TMPRSS15: variants seen among roughly 807,000 people sequenced by gnomAD.
TMPRSS15 encodes the protein enteropeptidase.
A neutral mutation model predicts 125.3 loss-of-function variants in TMPRSS15; 128 were observed. The ratio of observed to expected loss-of-function variants is 1.02; its 90% CI spans 0.89 to 1.18. The LOEUF (loss-of-function observed/expected upper bound fraction) is 1.18. TMPRSS15 is among the 50% of genes most tolerant of loss of function. TMPRSS15 has a pLI of 0.00. For missense variants in TMPRSS15, 1,283 were observed against 1,212.7 expected (o/e 1.06, Z -0.86); for synonymous variants, 446 against 423.2 (o/e 1.05, Z -0.66).
Position 18,312,979 on chromosome 21 carries a change from T to C in TMPRSS15, c.2131A>G (p.Ile711Val), listed in dbSNP as rs754632037. ...AGCAGTTGACAAACATCATTTGAAA[T>C]CTGGGTGGTCCAGTTCTCAGCACAA... The part of the protein sequence containing the change: ...TACAENWTTQ[I>V]SNDVCQLLGL... The change falls in exon 18 of 25, where the codon ATT (isoleucine) becomes GTT (valine). Residue 711 changes from isoleucine (I) to valine (V), a missense_variant. By Grantham distance (29) the Ile-to-Val change is conservative. Transcript: ENST00000284885. 5.0e-6 allele frequency: 8 copies of C among 1,613,976 alleles called. No homozygotes were observed. The South Asian group carries it at 8.8e-5, about 18-fold the overall frequency.
At position 18,372,221 on chromosome 21, in the gene TMPRSS15, A is replaced by G. The variant is rs368651677; in HGVS notation, c.636T>C (p.Asp212=). 6.8e-5 allele frequency: 110 copies of G among 1,612,394 alleles called. No individual in the cohort carries two copies. The highest frequency in any genetic ancestry group is 2.8e-4 in the Admixed American group (17 of 59,902). Residue 212 remains aspartate, a synonymous_variant, in exon 6 of 25, where the codon GAT becomes GAC. Transcript: ENST00000284885. ...ACATTTTATTGTCTTCGTCAGAACC[A>G]TCTGGACAGTTTACTTCTCCATCAC... ...LFCDGEVNCP[D]GSDEDNKMCA...
At chr21:18,438,921 T>A (rs1456488521) in intron 1 of TMPRSS15, among the ~76,000 whole-genome samples, 2 of 152,232 alleles carry the variant, frequency 1.3e-5, no homozygotes, top group Admixed American at 6.5e-5. Context: ...CATTCTTTTG[T>A]TTTCCATAAA....
chr21:18,348,381 T>G (rs1489530484), intron 10 of TMPRSS15, among the ~76,000 whole-genome samples: 1 of 152,160 alleles, frequency 6.6e-6, no homozygotes, highest in East Asian at 1.9e-4. Flanking sequence ...TGTGCTGATC[T>G]GATATAGAGA....
intron 1 of TMPRSS15, among the ~76,000 whole-genome samples, chr21:18,440,372 C>CAAAAAAAAA (rs539968323): frequency 0.034 from 1,605 of 47,112 alleles, 214 homozygotes; most frequent in African/African-American, 0.1. Context: ...AACTCCGTCT[C>CAAAAAAAAA]AAAAAAAAAA....
At position 18,463,478 on chromosome 21, in the gene TMPRSS15, C is replaced by T. The variant is rs182156713; in HGVS notation, c.10+22321G>A. The stretch of plus-strand genomic sequence containing the variant: ...CAAGTTCTCAGAGACCTACAAGAGA[C>T]CTAGACTCCCACACAATAATAGTGG... On this transcript the variant is annotated intron_variant, in intron 1 of 7. Transcript: ENST00000422787. Among the ~76,000 whole-genome samples, 82 of 152,050 alleles carry T rather than the reference C, an allele frequency of 5.4e-4. No homozygotes were observed. In the Middle Eastern group the frequency reaches 0.01, roughly 19 times the overall value.
chr21:18,319,724 C>T lies in TMPRSS15; in HGVS notation c.1922-4468G>A, dbSNP rs1029475119. On this transcript the variant is annotated intron_variant, in intron 16 of 24. Coordinates refer to ENST00000284885, the MANE Select transcript of TMPRSS15 (RefSeq NM_002772.3). ...GATTACAGGCGTGAGCCACCGCGCC[C>T]GGCCTTTCACTATTTTTCAAGTTAA... Among the ~76,000 whole-genome samples the T allele has an allele frequency of 5.3e-5, 8 of 152,244 alleles. No homozygotes were observed. The East Asian group carries it at 1.4e-3, about 26-fold the overall frequency.
chr21:18,465,212 C>T (rs1004932108), intron 1 of TMPRSS15, among the ~76,000 whole-genome samples: 5 of 150,900 alleles, frequency 3.3e-5, no homozygotes, highest in African/African-American at 1.2e-4. Context: ...ATTCAACACC[C>T]CTTCATGCAA....
chr21:18,288,336 C>A (rs562446934), intron 21 of TMPRSS15, among the ~76,000 whole-genome samples: 1 of 151,876 alleles, frequency 6.6e-6, no homozygotes, highest in Admixed American at 6.6e-5. Flanking sequence ...AGAAGGATGG[C>A]GCTGTGGGAG....
chr21:18,370,914 A>G (rs1211101508), intron 6 of TMPRSS15, among the ~76,000 whole-genome samples: 1 of 152,178 alleles, frequency 6.6e-6, no homozygotes, highest in Non-Finnish European at 1.5e-5. Context: ...ATAATAGAAA[A>G]GTGTAGCAAA....
chr21:18,317,345 C>G (rs939877526), intron 16 of TMPRSS15, among the ~76,000 whole-genome samples: 1 of 151,108 alleles, frequency 6.6e-6, no homozygotes, highest in Non-Finnish European at 1.5e-5. Context: ...AGTCCAGCAA[C>G]TATCAATATC....
chr21:18,365,641 T>TCTC, intron 6 of TMPRSS15, among the ~76,000 whole-genome samples: 3 of 109,336 alleles, frequency 2.7e-5, no homozygotes, highest in Non-Finnish European at 4.0e-5. Context: ...TTTCTCTCTC[T>TCTC]TTTTCCTCCC....
intron 3 of TMPRSS15, among the ~76,000 whole-genome samples, chr21:18,385,504 AT>A (rs2075935278): frequency 6.6e-6 from 1 of 152,158 alleles, no homozygotes; most frequent in Non-Finnish European, 1.5e-5. Context: ...AAACTTTTTT[AT>A]ATCTAATAAA....
chr21:18,338,717 A>C (rs2075417873), intron 13 of TMPRSS15, among the ~76,000 whole-genome samples: 1 of 120,722 alleles, frequency 8.3e-6, no homozygotes, highest in African/African-American at 3.5e-5. Context: ...AGAGACAGAC[A>C]GAGAGAGAGA....
At chr21:18,459,895 C>T (rs996172337) in intron 1 of TMPRSS15, among the ~76,000 whole-genome samples, 1 of 152,090 alleles carries the variant, frequency 6.6e-6, no homozygotes, top group African/African-American at 2.4e-5. Flanking sequence ...AAAGGTCTCA[C>T]ACATAATTAA....
At chr21:18,377,943 C>T (rs974787271) in intron 5 of TMPRSS15, among the ~76,000 whole-genome samples, 1 of 152,026 alleles carries the variant, frequency 6.6e-6, no homozygotes, top group African/African-American at 2.4e-5. Context: ...AGGAGAAAAC[C>T]TTCTTTTAAG....
chr21:18,417,900 T>C (rs1226467648), intron 1 of TMPRSS15, among the ~76,000 whole-genome samples: 1 of 152,038 alleles, frequency 6.6e-6, no homozygotes, highest in Non-Finnish European at 1.5e-5. Context: ...AACATACATA[T>C]ATTCACACAC....
Position 18,466,201 on chromosome 21 carries a change from C to T in TMPRSS15, c.10+19598G>A, listed in dbSNP as rs574902101. Among the ~76,000 whole-genome samples, 5 of 152,284 alleles carry T rather than the reference C, an allele frequency of 3.3e-5. No individual in the cohort carries two copies. In the East Asian group the frequency reaches 9.7e-4, roughly 29 times the overall value. ...TAATAAATGGTGTTGGGAAAACTGG[C>T]TAGCCATATGCAGAAAAGTGAAACT... On this transcript the variant is annotated intron_variant, in intron 1 of 7. Coordinates refer to the TMPRSS15 transcript ENST00000422787.
chr21:18,305,046 C>T (rs943489255), intron 18 of TMPRSS15, among the ~76,000 whole-genome samples: 36 of 152,184 alleles, frequency 2.4e-4, no homozygotes, highest in African/African-American at 8.7e-4. Context: ...AGAGCACTTA[C>T]CCTAGGTGGT....
At chr21:18,329,625 T>G (rs75661931) in intron 14 of TMPRSS15, among the ~76,000 whole-genome samples, 2,465 of 151,622 alleles carry the variant, frequency 0.016, 33 homozygotes, top group Non-Finnish European at 0.026. Context: ...CAAAGGATAC[T>G]AAAATTATAG....
Sources: allele counts gnomAD v4.1 joint callset (sites outside exome capture counted in the v4.1 genomes callset), GRCh38; gene constraint gnomAD v4.1.1; transcripts MANE v1.5; gene names NCBI Gene and HGNC (gene_info 2026-07-23, HGNC 2026-07-21).